WIPF2: variants seen among roughly 807,000 people sequenced by gnomAD.
WIPF2 encodes WAS/WASL-interacting protein family member 2.
Under a neutral mutation model 38.8 loss-of-function variants are expected in WIPF2, and 23 were observed. The observed-to-expected ratio is 0.59, with a 90% CI of 0.43 to 0.84. The LOEUF is 0.84. WIPF2 is among the 40% of genes least tolerant of loss of function. The pLI is 0.00. For synonymous variants in WIPF2, 210 were observed against 223.2 expected (o/e 0.94, Z 0.53); for missense variants, 574 against 580.5 (o/e 0.99, Z 0.11).
chr17:40,227,790 GGT>G (rs1454227241), intron 1 of WIPF2, among the ~76,000 whole-genome samples: 2 of 151,772 alleles, frequency 1.3e-5, no homozygotes. Context: ...GAGGCGGAAT[GGT>G]GAGCTAAAAT....
chr17:40,260,179 CTTTT>C (rs34757828), intron 2 of WIPF2, among the ~76,000 whole-genome samples: 9 of 101,048 alleles, frequency 8.9e-5, no homozygotes, highest in South Asian at 3.4e-4. Flanking sequence ...ATAAAGGGAA[CTTTT>C]TTTTTTTTTT....
intron 1 of WIPF2, among the ~76,000 whole-genome samples, chr17:40,233,143 A>G (rs2030820493): frequency 6.6e-6 from 1 of 152,182 alleles, no homozygotes; most frequent in South Asian, 2.1e-4. Flanking sequence ...TACTGATTCT[A>G]GAGTTGGGCT....
intron 1 of WIPF2, among the ~76,000 whole-genome samples, chr17:40,248,380 G>C (rs1212870340): frequency 6.6e-6 from 1 of 151,738 alleles, no homozygotes; most frequent in Admixed American, 6.6e-5. Flanking sequence ...TGTTGGCCAG[G>C]CTGGTCTCAA....
chr17:40,264,137 A>C (rs2031999914), intron 4 of WIPF2, among the ~76,000 whole-genome samples: 1 of 151,748 alleles, frequency 6.6e-6, no homozygotes, highest in Non-Finnish European at 1.5e-5. Context: ...TTTCGAGACC[A>C]GCCTGTCCAA....
At chr17:40,234,075 A>AT (rs1315618234) in intron 1 of WIPF2, among the ~76,000 whole-genome samples, 1 of 151,774 alleles carries the variant, frequency 6.6e-6, no homozygotes, top group Admixed American at 6.6e-5. Context: ...AAAAATAATA[A>AT]TAAAAAAAAC....
Position 40,281,103 on chromosome 17 carries a change from A to G in WIPF2, c.*2878A>G, listed in dbSNP as rs1301491897. On this transcript the variant is annotated 3_prime_UTR_variant, in exon 8 of 8. Transcript: ENST00000323571. ...CCTCACCTTTTAAACTGCTCTTTTTATCTGCTTGTGGGAATGTCGTCTCTT... is the reference window on the plus strand; with the variant it reads ...CCTCACCTTTTAAACTGCTCTTTTTGTCTGCTTGTGGGAATGTCGTCTCTT... 6.6e-6 allele frequency: 1 copy of G among 152,362 alleles called. No homozygotes were observed. The highest frequency in any genetic ancestry group is 2.4e-5 in the African/African-American group (1 of 41,420). The allele number at this position is 152,362 out of a possible 1,614,324, so 9.4% of individuals were successfully genotyped here.
chr17:40,270,148 G>C (rs1345454041), intron 5 of WIPF2, among the ~76,000 whole-genome samples: 4 of 150,748 alleles, frequency 2.7e-5, no homozygotes, highest in African/African-American at 9.7e-5. Context: ...GGCAGATCAT[G>C]AGGTCAGGAG....
intron 1 of WIPF2, among the ~76,000 whole-genome samples, chr17:40,231,031 G>A (rs999655095): frequency 6.6e-6 from 1 of 152,114 alleles, no homozygotes; most frequent in South Asian, 2.1e-4. Flanking sequence ...GTTTGATTTA[G>A]TACTTCTGTT....
At chr17:40,224,397 AT>A (rs1366193401) in intron 1 of WIPF2, among the ~76,000 whole-genome samples, 2 of 122,658 alleles carry the variant, frequency 1.6e-5, no homozygotes, top group Non-Finnish European at 3.2e-5. Context: ...CGCCCGGCTG[AT>A]TTTTTGTATT....
intron 2 of WIPF2, among the ~76,000 whole-genome samples, chr17:40,259,265 C>T (rs1238540737): frequency 1.3e-5 from 2 of 151,056 alleles, no homozygotes; most frequent in Non-Finnish European, 2.9e-5. Flanking sequence ...GAGATGTAAG[C>T]TGAGGGTTTA....
At chr17:40,270,677 C>T (rs1210041834) in intron 5 of WIPF2, among the ~76,000 whole-genome samples, 1 of 152,040 alleles carries the variant, frequency 6.6e-6, no homozygotes. Flanking sequence ...AAAGAAGCTT[C>T]TATTCTTAAA....
rs572270105 is a variant in WIPF2, at chr17:40,260,166, G to A, written c.64-369G>A. ...GCTTTAAGTCATTTATCCCAAGCTTGTGATAAAGGGAACTTTTTTTTTTTT... is the reference window on the plus strand; with the variant it reads ...GCTTTAAGTCATTTATCCCAAGCTTATGATAAAGGGAACTTTTTTTTTTTT... On this transcript the variant is annotated intron_variant, in intron 2 of 7. Coordinates refer to ENST00000323571, the MANE Select transcript of WIPF2 (RefSeq NM_133264.5). Among the ~76,000 whole-genome samples, 163 of 145,982 alleles carry A rather than the reference G, an allele frequency of 1.1e-3. 2 individuals are homozygous for A. Among genetic ancestry groups the A allele is most frequent in the African/African-American group, 3.8e-3 (152 of 39,790 alleles).
intron 2 of WIPF2, among the ~76,000 whole-genome samples, chr17:40,257,678 G>A (rs1295099750): frequency 2.6e-5 from 4 of 151,158 alleles, no homozygotes; most frequent in South Asian, 2.1e-4. Context: ...CCCAGGAAGC[G>A]GAGGTTGCAG....
Position 40,264,861 on chromosome 17 carries a change from C to T in WIPF2, c.685C>T (p.Pro229Ser). ...TCGAGAGGGACCTCCTGCTCCACCCCCAGTCAAACCACCTCCTTCCCCTGT... is the reference window on the plus strand; with the variant it reads ...TCGAGAGGGACCTCCTGCTCCACCCTCAGTCAAACCACCTCCTTCCCCTGT... Reference protein sequence around the residue: ...PGREGPPAPPPVKPPPSPVNI... With the variant: ...PGREGPPAPPSVKPPPSPVNI... Residue 229 changes from proline (P) to serine (S), a missense_variant, in exon 5 of 8, where the codon CCA becomes TCA. Coordinates refer to ENST00000323571, the MANE Select transcript of WIPF2 (RefSeq NM_133264.5). The T allele has an allele frequency of 6.2e-7, 1 of 1,614,208 alleles. No homozygotes were observed. Among genetic ancestry groups the T allele is most frequent in the Non-Finnish European group, 8.5e-7 (1 of 1,180,048 alleles).
intron 3 of WIPF2, among the ~76,000 whole-genome samples, 173 bp from the exon 4 acceptor site, chr17:40,262,352 G>A (rs1304391439): frequency 6.6e-6 from 1 of 152,066 alleles, no homozygotes; most frequent in Non-Finnish European, 1.5e-5. Context: ...CAAAATGCTG[G>A]GATTAGCAGC....
chr17:40,225,852 G>A (rs1179089834), intron 1 of WIPF2, among the ~76,000 whole-genome samples: 9 of 151,876 alleles, frequency 5.9e-5, no homozygotes, highest in South Asian at 2.1e-4. Flanking sequence ...ATGGGGTTTC[G>A]CCATGTTGCC....
intron 1 of WIPF2, among the ~76,000 whole-genome samples, chr17:40,234,431 C>CA (rs202018507): frequency 1.3e-4 from 19 of 146,682 alleles, no homozygotes; most frequent in East Asian, 4.1e-4. Flanking sequence ...GACTCTGTCT[C>CA]AAAACAAACA....
chr17:40,222,256 A>G (rs985954677), intron 1 of WIPF2, among the ~76,000 whole-genome samples: 6 of 151,624 alleles, frequency 4.0e-5, no homozygotes, highest in Admixed American at 2.0e-4. Flanking sequence ...GTTTCACCGT[A>G]TTGGCCAGGC....
intron 5 of WIPF2, among the ~76,000 whole-genome samples, chr17:40,272,209 G>T (rs1389670444): frequency 1.3e-5 from 2 of 152,004 alleles, no homozygotes; most frequent in Non-Finnish European, 2.9e-5. Context: ...AATAGAGACT[G>T]GGTTTCTCCA....
Sources: allele counts gnomAD v4.1 joint callset (sites outside exome capture counted in the v4.1 genomes callset), GRCh38; gene constraint gnomAD v4.1.1; transcripts MANE v1.5; gene names NCBI Gene and HGNC (gene_info 2026-07-23, HGNC 2026-07-21).